PTPRM: variants seen among roughly 807,000 people sequenced by gnomAD.
PTPRM encodes receptor-type tyrosine-protein phosphatase mu.
A neutral mutation model predicts 186.7 loss-of-function variants in PTPRM; 47 were observed. The ratio of observed to expected loss-of-function variants is 0.25; its 90% CI spans 0.20 to 0.32. The LOEUF (loss-of-function observed/expected upper bound fraction) is 0.32, where lower values mean the gene tolerates loss of function less well. PTPRM is among the 10% of genes least tolerant of loss of function. The pLI is 1.00. For missense variants in PTPRM, 1,494 were observed against 1,865.0 expected (o/e 0.80, Z 3.66); for synonymous variants, 668 against 674.9 (o/e 0.99, Z 0.16).
Position 7,864,069 on chromosome 18 carries a change from T to C in PTPRM, c.197-24037T>C, listed in dbSNP as rs540302221. ...GTTGTTTTTTTCTTGTAAATTTGTT[T>C]AAATTCTTTGTGTATTCTGGATATT... is the stretch of plus-strand genomic sequence containing the variant. On this transcript the variant is annotated intron_variant, in intron 2 of 32. Coordinates refer to ENST00000580170, the MANE Select transcript of PTPRM (RefSeq NM_001105244.2). Among the ~76,000 whole-genome samples, 4 of 152,354 alleles carry C rather than the reference T, an allele frequency of 2.6e-5. No individual in the cohort carries two copies. In the East Asian group the frequency reaches 7.7e-4, roughly 29 times the overall value.
chr18:7,808,942 C>T (rs967059633), intron 2 of PTPRM, among the ~76,000 whole-genome samples: 2 of 152,184 alleles, frequency 1.3e-5, no homozygotes, highest in East Asian at 3.9e-4. Context: ...ATAAGCAATA[C>T]AGACTTCCAG....
In PTPRM at chr18:8,369,876, A is replaced by G. The variant is rs569168391; in HGVS notation, c.3055-1014A>G. 3.9e-5 allele frequency among the ~76,000 whole-genome samples: 6 copies of G among 152,296 alleles called. No homozygotes were observed. In the South Asian group the frequency reaches 1.2e-3, roughly 32 times the overall value. ...GAGGAGGGAAGATCGCTTGAGCCCA[A>G]GGATTCAAGATTATAGTGGGCTGCG... On this transcript the variant is annotated intron_variant, in intron 23 of 32. Transcript: ENST00000580170.
chr18:8,148,449 G>A (rs892596077), intron 14 of PTPRM, among the ~76,000 whole-genome samples: 4 of 152,160 alleles, frequency 2.6e-5, no homozygotes, highest in African/African-American at 9.7e-5. Flanking sequence ...GGTGTTTATA[G>A]TATTCTCTGA....
At chr18:8,240,859 G>T (rs1453034718) in intron 14 of PTPRM, among the ~76,000 whole-genome samples, 6 of 150,380 alleles carry the variant, frequency 4.0e-5, no homozygotes, top group Non-Finnish European at 8.9e-5. Flanking sequence ...AAGAAAGAAA[G>T]AAATTGAAAG....
intron 1 of PTPRM, among the ~76,000 whole-genome samples, chr18:7,660,955 A>T (rs569299755): frequency 7.3e-4 from 111 of 152,186 alleles, no homozygotes; most frequent in African/African-American, 2.5e-3. Context: ...TAGGTGACAG[A>T]GCAAGACTCC....
chr18:7,585,093 T>C (rs145185518), intron 1 of PTPRM, among the ~76,000 whole-genome samples: 2 of 152,256 alleles, frequency 1.3e-5, no homozygotes, highest in African/African-American at 4.8e-5. Flanking sequence ...GGAGGAAAGA[T>C]CCGTGGGAAA....
intron 19 of PTPRM, among the ~76,000 whole-genome samples, chr18:8,286,660 G>A (rs1310581322): frequency 6.6e-6 from 1 of 152,144 alleles, no homozygotes; most frequent in East Asian, 1.9e-4. Flanking sequence ...ATAACTTTGG[G>A]TTATAAAGTT....
intron 14 of PTPRM, among the ~76,000 whole-genome samples, chr18:8,162,508 C>A (rs1433649644): frequency 6.6e-6 from 1 of 152,208 alleles, no homozygotes; most frequent in Non-Finnish European, 1.5e-5. Context: ...GTGCCCACTT[C>A]TGCAGATGGT....
chr18:8,396,074 T>C (rs1037661072), intron 32 of PTPRM, among the ~76,000 whole-genome samples: 5 of 152,040 alleles, frequency 3.3e-5, no homozygotes, highest in African/African-American at 1.2e-4. Flanking sequence ...TTCCTGTGGG[T>C]TGTTGAAAGG....
At chr18:8,313,292 T>G (rs2095283384) in intron 20 of PTPRM, among the ~76,000 whole-genome samples, 1 of 152,226 alleles carries the variant, frequency 6.6e-6, no homozygotes, top group African/African-American at 2.4e-5. Context: ...CCCCCTGTGC[T>G]TTCCTTTCAG....
chr18:7,585,400 T>G (rs2036953550), intron 1 of PTPRM, among the ~76,000 whole-genome samples: 1 of 152,062 alleles, frequency 6.6e-6, no homozygotes, highest in African/African-American at 2.4e-5. Flanking sequence ...AGGAACGAAG[T>G]TTGAATAGTT....
chr18:7,664,162 A>G lies in PTPRM; in HGVS notation c.73+96271A>G, dbSNP rs571275131. On this transcript the variant is annotated intron_variant, in intron 1 of 32. Transcript: ENST00000580170. ...TCCCACACTCTGAAACATCATAGGCATGTGTGTACCCAGCCCTCTTTGTGT... is the reference window on the plus strand; with the variant it reads ...TCCCACACTCTGAAACATCATAGGCGTGTGTGTACCCAGCCCTCTTTGTGT... Among the ~76,000 whole-genome samples the G allele has an allele frequency of 2.2e-4, 34 of 152,324 alleles. 1 individual carries two copies. The South Asian group carries it at 6.2e-3, about 28-fold the overall frequency.
intron 14 of PTPRM, among the ~76,000 whole-genome samples, chr18:8,239,504 C>T (rs1400026885): frequency 7.2e-6 from 1 of 138,990 alleles, no homozygotes; most frequent in Non-Finnish European, 1.5e-5. Context: ...AAAACTAATT[C>T]CCCCTGGAGT....
chr18:7,882,513 A>T (rs2048562378), intron 2 of PTPRM, among the ~76,000 whole-genome samples: 1 of 152,192 alleles, frequency 6.6e-6, no homozygotes, highest in Admixed American at 6.5e-5. Context: ...TTCTAAATCC[A>T]CAAATTTAAA....
At chr18:7,778,284 T>A (rs1013777137) in intron 2 of PTPRM, among the ~76,000 whole-genome samples, 2 of 152,150 alleles carry the variant, frequency 1.3e-5, no homozygotes, top group Admixed American at 1.3e-4. Context: ...TTTAAATTTT[T>A]GTATTTCAAG....
chr18:8,383,565 G>T (rs2095752783), intron 29 of PTPRM, among the ~76,000 whole-genome samples: 1 of 152,074 alleles, frequency 6.6e-6, no homozygotes, highest in African/African-American at 2.4e-5. Context: ...CCTGAGTTGT[G>T]CATTTACATT....
chr18:7,874,295 G>A (rs1295031828), intron 2 of PTPRM, among the ~76,000 whole-genome samples: 1 of 151,936 alleles, frequency 6.6e-6, no homozygotes, highest in Non-Finnish European at 1.5e-5. Flanking sequence ...AAAGGCATAT[G>A]CAATTTTTGT....
chr18:7,579,153 T>G (rs1345683094), intron 1 of PTPRM, among the ~76,000 whole-genome samples: 1 of 152,102 alleles, frequency 6.6e-6, no homozygotes, highest in Non-Finnish European at 1.5e-5. Context: ...ATTAGCAAAA[T>G]AATCATGTTA....
intron 1 of PTPRM, among the ~76,000 whole-genome samples, chr18:7,725,379 G>A (rs1213403596): frequency 2.0e-5 from 3 of 152,136 alleles, no homozygotes; most frequent in Non-Finnish European, 2.9e-5. Flanking sequence ...TGGGTATGAG[G>A]TGGTGATAGG....
Sources: gnomAD v4.1 joint callset for allele counts (sites outside exome capture counted in the v4.1 genomes callset) on GRCh38, gnomAD v4.1.1 for gene constraint, MANE v1.5 for transcripts, NCBI Gene and HGNC (gene_info 2026-07-23, HGNC 2026-07-21) for gene names.